MIS18A: variants seen among roughly 807,000 people sequenced by gnomAD.
MIS18A encodes protein Mis18-alpha.
In MIS18A, 14 loss-of-function variants were observed where a neutral mutation model predicts 25.0. That is an observed-to-expected ratio of 0.56 (90% CI 0.37 to 0.88). The LOEUF (loss-of-function observed/expected upper bound fraction) is 0.88, where lower values mean the gene tolerates loss of function less well. MIS18A is among the 40% of genes least tolerant of loss of function. MIS18A has a pLI of 0.00. For synonymous variants in MIS18A, 134 were observed against 118.6 expected (o/e 1.13, Z -0.84); for missense variants, 292 against 290.8 (o/e 1.00, Z -0.03).
chr21:32,278,420 G>A (rs2031858852), intron 1 of MIS18A: 1 of 495,538 alleles, frequency 2.0e-6, no homozygotes, highest in Admixed American at 3.9e-5. Flanking sequence ...CTTTGTTTCT[G>A]AGTAATGCTC....
chr21:32,204,557 G>A, the MIS18A span, among the ~76,000 whole-genome samples: 1 of 151,742 alleles, frequency 6.6e-6, no homozygotes, highest in Non-Finnish European at 1.5e-5. Flanking sequence ...AAAATCCAAA[G>A]GTACAAGAAA....
the MIS18A span, among the ~76,000 whole-genome samples, chr21:32,183,780 G>T: frequency 6.6e-6 from 1 of 152,164 alleles, no homozygotes; most frequent in East Asian, 1.9e-4. Flanking sequence ...GCCTCTGAAT[G>T]GCTCTTTGCT....
chr21:32,270,534 A>G lies in MIS18A; in HGVS notation c.402-5T>C, dbSNP rs754810571. 3.3e-6 allele frequency: 5 copies of G among 1,535,510 alleles called. No homozygotes were observed. The highest frequency in any genetic ancestry group is 4.4e-6 in the Non-Finnish European group (5 of 1,143,232). ...CAGCACAAAGTCTCAAGGACGCTGCAATAAAGAAATGTCTTGCTTTAGGAA... is the reference window on the plus strand; with the variant it reads ...CAGCACAAAGTCTCAAGGACGCTGCGATAAAGAAATGTCTTGCTTTAGGAA... On this transcript the variant is annotated splice_region_variant and splice_polypyrimidine_tract_variant and intron_variant, in intron 2 of 4. Coordinates refer to ENST00000290130, the MANE Select transcript of MIS18A (RefSeq NM_018944.3).
the MIS18A span, among the ~76,000 whole-genome samples, chr21:32,212,250 T>C: frequency 0.028 from 4,293 of 152,182 alleles, 217 homozygotes; most frequent in African/African-American, 0.096. Context: ...TTGAAGAGTG[T>C]CAAATGCAGC....
At chr21:32,195,964 G>T in the MIS18A span, among the ~76,000 whole-genome samples, 1 of 151,946 alleles carries the variant, frequency 6.6e-6, no homozygotes, top group Non-Finnish European at 1.5e-5. Context: ...AGGTTGCAGT[G>T]AGCTGAGATT....
the MIS18A span, among the ~76,000 whole-genome samples, chr21:32,179,860 C>T: frequency 6.6e-6 from 1 of 152,164 alleles, no homozygotes; most frequent in African/African-American, 2.4e-5. Context: ...TTGGGATGTT[C>T]TCATGAAACT....
intron 2 of MIS18A, among the ~76,000 whole-genome samples, chr21:32,270,888 T>C (rs117658861): frequency 2.0e-5 from 3 of 152,330 alleles, no homozygotes; most frequent in Non-Finnish European, 4.4e-5. Flanking sequence ...ACCTCTGCCA[T>C]TGTAAAACGG....
chr21:32,209,885 G>A, the MIS18A span, among the ~76,000 whole-genome samples: 4 of 152,180 alleles, frequency 2.6e-5, no homozygotes, highest in Non-Finnish European at 2.9e-5. Context: ...CAACCCTGTG[G>A]AACTGTGAGT....
the MIS18A span, among the ~76,000 whole-genome samples, chr21:32,159,112 C>T: frequency 1.3e-5 from 2 of 151,984 alleles, no homozygotes; most frequent in African/African-American, 4.8e-5. Context: ...AGATATTGTA[C>T]CTCTAATAAG....
the MIS18A span, among the ~76,000 whole-genome samples, chr21:32,200,951 C>A: frequency 6.6e-6 from 1 of 152,094 alleles, no homozygotes; most frequent in Non-Finnish European, 1.5e-5. Flanking sequence ...GCCTCTCAGT[C>A]CCTTTTGCCT....
chr21:32,161,578 G>A, the MIS18A span, among the ~76,000 whole-genome samples: 2 of 151,524 alleles, frequency 1.3e-5, no homozygotes, highest in South Asian at 2.1e-4. Flanking sequence ...TGCAAACTCC[G>A]CCTCCCGGCT....
At chr21:32,231,731 G>C in the MIS18A span, among the ~76,000 whole-genome samples, 1 of 152,132 alleles carries the variant, frequency 6.6e-6, no homozygotes, top group African/African-American at 2.4e-5. Context: ...GATAAACACG[G>C]TGAAACCTCG....
At chr21:32,274,773 A>C in intron 2 of MIS18A, 57 bp downstream of exon 2, 1 of 1,384,212 alleles carries the variant, frequency 7.2e-7, no homozygotes, top group Non-Finnish European at 1.0e-6. Flanking sequence ...TGACCTTTTA[A>C]AGATTTTTAT....
intron 1 of MIS18A, among the ~76,000 whole-genome samples, chr21:32,276,822 G>A (rs892158067): frequency 2.6e-5 from 4 of 152,088 alleles, no homozygotes; most frequent in African/African-American, 9.7e-5. Context: ...CAAGCTACTT[G>A]GGAAGCTGAG....
At chr21:32,206,917 C>A in the MIS18A span, among the ~76,000 whole-genome samples, 6 of 152,156 alleles carry the variant, frequency 3.9e-5, no homozygotes, top group Non-Finnish European at 8.8e-5. Flanking sequence ...GGACCATATA[C>A]CAGAGGCTCT....
At chr21:32,183,720 T>C in the MIS18A span, among the ~76,000 whole-genome samples, 1 of 152,190 alleles carries the variant, frequency 6.6e-6, no homozygotes, top group Non-Finnish European at 1.5e-5. Flanking sequence ...TGCAGATCCA[T>C]CACAATGACA....
At chr21:32,213,387 T>C in the MIS18A span, among the ~76,000 whole-genome samples, 11 of 152,342 alleles carry the variant, frequency 7.2e-5, no homozygotes, top group East Asian at 2.1e-3. Context: ...TCCATGATAA[T>C]ATAAAGTAAA....
At chr21:32,242,566 T>C in the MIS18A span, among the ~76,000 whole-genome samples, 1 of 152,190 alleles carries the variant, frequency 6.6e-6, no homozygotes, top group Non-Finnish European at 1.5e-5. Flanking sequence ...GTTTGTAAAA[T>C]GGTCACTCTG....
At chr21:32,179,729 A>G in the MIS18A span, among the ~76,000 whole-genome samples, 3 of 152,228 alleles carry the variant, frequency 2.0e-5, no homozygotes, top group Non-Finnish European at 2.9e-5. Context: ...TTTCTATTAG[A>G]TAAATGAGGA....
Sources: allele counts gnomAD v4.1 joint callset (sites outside exome capture counted in the v4.1 genomes callset), GRCh38; gene constraint gnomAD v4.1.1; transcripts MANE v1.5; gene names NCBI Gene and HGNC (gene_info 2026-07-23, HGNC 2026-07-21).